Variants in LIMK2 observed in about 807,000 individuals in gnomAD.
LIMK2 encodes LIM domain kinase 2.
Under a neutral mutation model 75.7 loss-of-function variants are expected in LIMK2, and 35 were observed. The observed-to-expected ratio is 0.46, with a 90% CI of 0.35 to 0.61. The LOEUF (loss-of-function observed/expected upper bound fraction) is 0.61, where lower values mean the gene tolerates loss of function less well. LIMK2 is among the 20% of genes least tolerant of loss of function. The pLI is 0.00. For missense variants in LIMK2, 623 were observed against 831.0 expected, an observed-to-expected ratio of 0.75 and a Z score of 3.08; for synonymous variants, 301 against 319.2, an observed-to-expected ratio of 0.94 and a Z score of 0.61.
intron 2 of LIMK2, among the ~76,000 whole-genome samples, chr22:31,242,515 CTG>C (rs768850835): frequency 4.6e-5 from 7 of 152,246 alleles, no homozygotes; most frequent in Non-Finnish European, 7.3e-5. Context: ...GGTTCCATCA[CTG>C]TGCCAACATA....
Position 31,262,334 on chromosome 22 carries a change from C to T in LIMK2, c.657+95C>T. On this transcript the variant is annotated intron_variant, in intron 6 of 15. Coordinates refer to ENST00000331728, the MANE Select transcript of LIMK2 (RefSeq NM_005569.4). The surrounding 1 kb of genome is among the most constrained non-coding windows in gnomAD (Gnocchi z 5.0). ...AGCCTTTACCTTTTCCTACCCCCAGCCCATCTCTTTGTCTTAGCATTGAGC... is the reference window on the plus strand; with the variant it reads ...AGCCTTTACCTTTTCCTACCCCCAGTCCATCTCTTTGTCTTAGCATTGAGC... 2 of 1,041,224 alleles carry T rather than the reference C, an allele frequency of 1.9e-6. No homozygotes were observed. The highest frequency in any genetic ancestry group is 3.0e-6 in the Non-Finnish European group (2 of 671,626). 64.5% of individuals were successfully genotyped at this position (1,041,224 alleles called of 1,614,324 possible). A position where few individuals can be genotyped will look rare whatever the true frequency, so the allele number is the denominator to read the frequency against.
At chr22:31,264,591 C>T (rs2048872983) in intron 7 of LIMK2, among the ~76,000 whole-genome samples, 1 of 152,222 alleles carries the variant, frequency 6.6e-6, no homozygotes, top group South Asian at 2.1e-4. Flanking sequence ...ATTCAGGAAA[C>T]ATGGACAGGT....
At chr22:31,251,144 A>C (rs533504859) in intron 2 of LIMK2, among the ~76,000 whole-genome samples, 7 of 152,266 alleles carry the variant, frequency 4.6e-5, no homozygotes, top group Non-Finnish European at 1.0e-4. Context: ...TCCAAGTAAG[A>C]AAATACCTCA....
intron 2 of LIMK2, among the ~76,000 whole-genome samples, chr22:31,226,063 TC>T (rs2048474872): frequency 6.6e-6 from 1 of 152,196 alleles, no homozygotes; most frequent in Non-Finnish European, 1.5e-5. Context: ...AGGAGCCCTT[TC>T]CAGGGTTGTC....
Position 31,278,527 on chromosome 22 carries a change from G to C in LIMK2, c.*86G>C, listed in dbSNP as rs1313778157. On this transcript the variant is annotated 3_prime_UTR_variant, in exon 16 of 16. Coordinates refer to ENST00000331728, the MANE Select transcript of LIMK2 (RefSeq NM_005569.4). ...TTCCTGCTGTGAGCAGGGCCGTCCG[G>C]GCTTCCTGTGGATTGGCGGAATGTT... 1.4e-6 allele frequency: 2 copies of C among 1,398,728 alleles called. No individual in the cohort carries two copies. The highest frequency in any genetic ancestry group is 1.9e-6 in the Non-Finnish European group (2 of 1,051,134). The allele number at this position is 1,398,728 out of a possible 1,614,324, so 86.6% of individuals were successfully genotyped here.
intron 7 of LIMK2, 63 bp from the exon 8 acceptor site, chr22:31,265,883 C>T: frequency 1.7e-5 from 25 of 1,444,676 alleles, no homozygotes; most frequent in Non-Finnish European, 2.4e-5. Context: ...TTCCTCCCTC[C>T]AGGGTTTCTT....
intron 2 of LIMK2, chr22:31,248,655 C>A: frequency 6.2e-7 from 1 of 1,613,680 alleles, no homozygotes; most frequent in East Asian, 2.2e-5. Flanking sequence ...CCATCTACAG[C>A]CGGCCTGAGG....
At chr22:31,237,916 C>A (rs1173553141) in intron 2 of LIMK2, among the ~76,000 whole-genome samples, 7 of 149,626 alleles carry the variant, frequency 4.7e-5, no homozygotes, top group Non-Finnish European at 7.4e-5. Flanking sequence ...ACTAGCCTGG[C>A]CAACATGGTG....
In LIMK2 at chr22:31,271,211, A is replaced by G. The variant is rs2048953397; in HGVS notation, c.1383+10A>G. 6.2e-7 allele frequency: 1 copy of G among 1,612,926 alleles called. No homozygotes were observed. The highest frequency in any genetic ancestry group is 1.3e-5 in the African/African-American group (1 of 74,936). On this transcript the variant is annotated intron_variant, in intron 12 of 15. Transcript: ENST00000331728. ...CTGCCTCATCAAGTTGGTATGTCCC[A>G]CTGCTCTGGGCCTGGCCTCCAGGGT...
Position 31,264,085 on chromosome 22 carries a change from C to G in LIMK2, c.854+1294C>G, listed in dbSNP as rs114262227. On this transcript the variant is annotated intron_variant, in intron 7 of 15. Transcript: ENST00000331728. ...AGCTGGCATGTGTTGGAAACAGTGC[C>G]CTCTCATTAAAGTGCTGCCCTCACT... is the stretch of plus-strand genomic sequence containing the variant. Among the ~76,000 whole-genome samples, 912 of 152,202 alleles carry G rather than the reference C, an allele frequency of 6.0e-3. 12 individuals are homozygous for G. Among genetic ancestry groups the G allele is most frequent in the African/African-American group, 0.021 (859 of 41,512 alleles).
intron 15 of LIMK2, among the ~76,000 whole-genome samples, chr22:31,276,374 C>G (rs1463531744): frequency 1.3e-5 from 2 of 152,112 alleles, no homozygotes; most frequent in African/African-American, 4.8e-5. Flanking sequence ...TTCTCCTCAC[C>G]CCCAACTCCA....
At chr22:31,217,723 C>T (rs114950413) in intron 1 of LIMK2, among the ~76,000 whole-genome samples, 2,570 of 152,276 alleles carry the variant, frequency 0.017, 68 homozygotes, top group African/African-American at 0.058. Flanking sequence ...AATGCCTACT[C>T]ATTCACAGTT....
At chr22:31,228,648 T>G (rs538169714) in intron 2 of LIMK2, among the ~76,000 whole-genome samples, 21 of 151,998 alleles carry the variant, frequency 1.4e-4, no homozygotes, top group Non-Finnish European at 2.5e-4. Flanking sequence ...AAACTCTTAA[T>G]AGGGCCGGAC....
chr22:31,268,383 C>T (rs1243891801), intron 11 of LIMK2, among the ~76,000 whole-genome samples, 183 bp downstream of exon 11: 1 of 152,198 alleles, frequency 6.6e-6, no homozygotes, highest in Admixed American at 6.5e-5. Context: ...GTTCACAGCC[C>T]TGTTTTCAAA....
chr22:31,276,801 G>T, intron 15 of LIMK2: 1 of 1,610,200 alleles, frequency 6.2e-7, no homozygotes, highest in Non-Finnish European at 8.5e-7. Flanking sequence ...CCCCCCCCGG[G>T]GCCGCAGGAG....
Position 31,276,981 on chromosome 22 carries a change from T to G in LIMK2, c.1773-1316T>G, listed in dbSNP as rs761624460. 3.7e-6 allele frequency: 6 copies of G among 1,613,692 alleles called. No homozygotes were observed. In the African/African-American group the frequency reaches 5.3e-5, roughly 14 times the overall value. On this transcript the variant is annotated intron_variant, in intron 15 of 15. Coordinates refer to ENST00000331728, the MANE Select transcript of LIMK2 (RefSeq NM_005569.4). ...AAGAGGAGATCTCAGAACTAGAGAT[T>G]GACGTGGATGAGCTCCTGGACATGG...
intron 2 of LIMK2, among the ~76,000 whole-genome samples, chr22:31,234,664 T>C (rs1334158330): frequency 7.1e-6 from 1 of 140,528 alleles, no homozygotes; most frequent in Non-Finnish European, 1.5e-5. Context: ...GAGGTTGCAG[T>C]GAGCCCAGAT....
intron 15 of LIMK2, chr22:31,275,522 G>C (rs1601448248): frequency 3.8e-6 from 2 of 533,150 alleles, no homozygotes; most frequent in Non-Finnish European, 6.6e-6. Context: ...ATAGGACACA[G>C]AAACACAGCC....
In LIMK2 at chr22:31,259,132, G is replaced by A. The variant is rs1157896619; in HGVS notation, c.264G>A (p.Glu88=). 2.5e-6 allele frequency: 4 copies of A among 1,611,508 alleles called. No homozygotes were observed. The highest frequency in any genetic ancestry group is 3.4e-6 in the Non-Finnish European group (4 of 1,177,872). ...LMTGPFMVAG[E]FKYHPECFAC... The stretch of plus-strand genomic sequence containing the variant: ...CCACCTGCTCACAGGTGGCTGGGGA[G>A]TTCAAGTACCACCCAGAGTGCTTTG... Residue 88 remains glutamate (E), a synonymous_variant, in exon 4 of 16, where the codon GAG becomes GAA. Transcript: ENST00000331728.
Sources: gnomAD v4.1 joint callset for allele counts (sites outside exome capture counted in the v4.1 genomes callset) on GRCh38, gnomAD v4.1.1 for gene constraint, Gnocchi (gnomAD v3.1) non-coding constraint, MANE v1.5 for transcripts, NCBI Gene and HGNC (gene_info 2026-07-23, HGNC 2026-07-21) for gene names.